PFKP: variants seen among roughly 807,000 people sequenced by gnomAD.
The protein encoded by PFKP is phosphofructokinase, platelet.
Under a neutral mutation model 94.3 loss-of-function variants are expected in PFKP, and 101 were observed. The observed-to-expected ratio is 1.07, with a 90% CI of 0.91 to 1.26. The LOEUF is 1.26. Among genes scored for constraint, PFKP ranks in the 50% most tolerant of loss-of-function variants. The pLI is 0.00. For synonymous variants in PFKP, 573 were observed against 432.6 expected, an observed-to-expected ratio of 1.32 and a Z score of -4.03; for missense variants, 1,145 against 1,103.3, an observed-to-expected ratio of 1.04 and a Z score of -0.53.
Position 3,105,395 on chromosome 10 carries a change from ACCTGGCCCTGGTGAGTG to A in PFKP, c.672_688del (p.Ala225GlyfsTer43), listed in dbSNP as rs1228235971. On this transcript the variant is annotated frameshift_variant, in exon 7 of 22. Transcript: ENST00000381125. LOFTEE classifies it high-confidence loss of function. Reference sequence around the variant, plus strand: ...ATGCTGTTGCCTTGTCCACATAGGTACCTGGCCCTGGTGAGTGCCTTGGCCTGCGGTGCGGACTGGGT... The same window carrying A: ...ATGCTGTTGCCTTGTCCACATAGGTACCTTGGCCTGCGGTGCGGACTGGGT... The A allele has an allele frequency of 6.2e-7, 1 of 1,612,392 alleles. No individual in the cohort carries two copies. Among genetic ancestry groups the A allele is most frequent in the African/African-American group, 1.3e-5 (1 of 74,820 alleles).
At chr10:3,108,571 G>C in intron 8 of PFKP, 130 bp from the exon 9 acceptor site, 1 of 665,970 alleles carries the variant, frequency 1.5e-6, no homozygotes, top group Non-Finnish European at 2.7e-6. Context: ...ACAAAATTTA[G>C]AAATAACTTT....
At chr10:3,122,899 G>C (rs553039715) in intron 16 of PFKP, among the ~76,000 whole-genome samples, 1 of 152,222 alleles carries the variant, frequency 6.6e-6, no homozygotes, top group African/African-American at 2.4e-5. Context: ...GACAAGGGAC[G>C]CTGCGGAACG....
chr10:3,108,782 G>C lies in PFKP; in HGVS notation c.952G>C (p.Asp318His), dbSNP rs776455980. The C allele has an allele frequency of 2.5e-6, 4 of 1,610,964 alleles. No individual in the cohort carries two copies. The South Asian group carries it at 4.4e-5, about 18-fold the overall frequency. The change falls in exon 9 of 22, where the codon GAC becomes CAC. Residue 318 changes from aspartate (D) to histidine (H), a missense_variant. By Grantham distance (81) the Asp-to-His change is moderately conservative. This residue lies in a region of PFKP where 1,119 missense variants were observed against 1,062.8 expected (regional missense o/e 1.05). Transcript: ENST00000381125. ...VQRGGTPSAF[D>H]RILASRMGVE... ...GAGAGGAGGGACCCCTTCGGCATTC[G>C]ACAGGATCTTGGTGAGTTGGGAAGG...
At chr10:3,125,121 G>T in intron 16 of PFKP, 7 of 1,326,666 alleles carry the variant, frequency 5.3e-6, no homozygotes, top group Non-Finnish European at 7.0e-6. Flanking sequence ...GTGCGACATG[G>T]CCGAGGCACG....
intron 1 of PFKP, among the ~76,000 whole-genome samples, chr10:3,076,743 G>A (rs895978480): frequency 3.9e-5 from 6 of 152,144 alleles, no homozygotes; most frequent in Non-Finnish European, 8.8e-5. Context: ...TGGGGCACCC[G>A]AGCTGGACAG....
intron 2 of PFKP, among the ~76,000 whole-genome samples, chr10:3,095,332 T>C (rs555005126): frequency 8.7e-6 from 1 of 114,456 alleles, no homozygotes; most frequent in African/African-American, 2.7e-5. Flanking sequence ...CCTCTACATA[T>C]AGAATGATCT....
At chr10:3,089,686 TTATA>T (rs1419484778) in intron 2 of PFKP, among the ~76,000 whole-genome samples, 6 of 149,728 alleles carry the variant, frequency 4.0e-5, no homozygotes, top group East Asian at 1.9e-4. Context: ...ATAATATGAA[TTATA>T]TATGTATTAT....
chr10:3,132,498 G>C (rs1014874120), intron 18 of PFKP, 57 bp downstream of exon 18: 4 of 1,236,898 alleles, frequency 3.2e-6, no homozygotes, highest in Non-Finnish European at 4.8e-6. Context: ...CTGGTTCTTA[G>C]ATTCTAGTCT....
intron 13 of PFKP, among the ~76,000 whole-genome samples, chr10:3,114,216 C>G (rs554950189): frequency 4.0e-5 from 6 of 150,898 alleles, no homozygotes; most frequent in South Asian, 2.1e-4. Flanking sequence ...ATGGCGTGAT[C>G]TTGGCCCACT....
At chr10:3,119,154 T>A (rs1837135518) in intron 15 of PFKP, among the ~76,000 whole-genome samples, 1 of 152,186 alleles carries the variant, frequency 6.6e-6, no homozygotes, top group Admixed American at 6.5e-5. Flanking sequence ...CCTGTGGAAG[T>A]AATTCTATCT....
At chr10:3,128,936 G>C (rs974789762) in intron 16 of PFKP, 3 of 152,390 alleles carry the variant, frequency 2.0e-5, no homozygotes, top group Non-Finnish European at 4.4e-5. Context: ...GCCGGGAGCA[G>C]GCGGGGCCGG....
chr10:3,135,714 T>A, intron 20 of PFKP, 22 bp from the exon 21 acceptor site: 1 of 1,470,092 alleles, frequency 6.8e-7, no homozygotes, highest in South Asian at 1.1e-5. Flanking sequence ...GTGTTATTAA[T>A]CTTTTTTAAA....
chr10:3,123,596 C>T (rs1396947743), intron 16 of PFKP, among the ~76,000 whole-genome samples: 1 of 152,194 alleles, frequency 6.6e-6, no homozygotes, highest in African/African-American at 2.4e-5. Flanking sequence ...TTCCAGCGAG[C>T]GCTTCTCGGA....
chr10:3,094,013 C>T (rs574776131), intron 2 of PFKP, among the ~76,000 whole-genome samples: 20 of 152,300 alleles, frequency 1.3e-4, no homozygotes, highest in Admixed American at 2.6e-4. Context: ...TATGATCTGC[C>T]TTCATCCCAC....
rs147353237 is a variant in PFKP at position 3,119,936 on chromosome 10, C to A, written c.1575C>A (p.His525Gln). Residue 525 changes from histidine to glutamine, a missense_variant, in exon 16 of 22, where the codon CAC becomes CAA. Physicochemically the swap from His to Gln is conservative, Grantham distance 24. Transcript: ENST00000381125. ...AGCTGTCAGCCGCCCGGGAGAAGCA[C>A]GAGGAGTTCTGTGTCCCCATGGTCA... ...LLELSAAREK[H>Q]EEFCVPMVMV... The A allele has an allele frequency of 4.3e-6, 7 of 1,613,986 alleles. No individual in the cohort carries two copies. Among genetic ancestry groups the A allele is most frequent in the Non-Finnish European group, 2.5e-6 (3 of 1,179,982 alleles).
chr10:3,115,560 C>T (rs1836754313), intron 13 of PFKP, among the ~76,000 whole-genome samples: 1 of 151,180 alleles, frequency 6.6e-6, no homozygotes. Flanking sequence ...GGTGTGTGTC[C>T]CTCAGCTGAG....
chr10:3,119,802 TG>T, intron 15 of PFKP, 89 bp from the exon 16 acceptor site: 2 of 1,148,184 alleles, frequency 1.7e-6, no homozygotes, highest in Non-Finnish European at 2.6e-6. Flanking sequence ...CTGCGTGCTG[TG>T]GTGGAGGTGG....
In PFKP at chr10:3,104,494, C is replaced by G. The variant is rs150830796; in HGVS notation, c.620+550C>G. On this transcript the variant is annotated intron_variant, in intron 5 of 21. Transcript: ENST00000381125. ...CCCTTTAAGGACGAGGTGCTCGAGA[C>G]TGGGAGAGTGCCCGAATCCAGTCCC... Among the ~76,000 whole-genome samples, 128 of 152,366 alleles carry G rather than the reference C, an allele frequency of 8.4e-4. 1 individual carries two copies. Among genetic ancestry groups the G allele is most frequent in the Non-Finnish European group, 1.5e-3 (104 of 68,044 alleles).
intron 11 of PFKP, among the ~76,000 whole-genome samples, 176 bp from the exon 12 acceptor site, chr10:3,112,943 C>T (rs1235175972): frequency 6.6e-6 from 1 of 152,226 alleles, no homozygotes; most frequent in Non-Finnish European, 1.5e-5. Context: ...CGGACAGCAC[C>T]GCGGGTCGCG....
Sources: allele counts gnomAD v4.1 joint callset (sites outside exome capture counted in the v4.1 genomes callset), GRCh38; gene constraint gnomAD v4.1.1; regional missense constraint gnomAD v4.1.1; transcripts MANE v1.5; gene names NCBI Gene and HGNC (gene_info 2026-07-23, HGNC 2026-07-21).